The following RAB27A variants were observed in gnomAD, a reference collection of about 807,000 sequenced individuals.
RAB27A encodes RAB27A, member RAS oncogene family.
RAB27A carries 17 observed loss-of-function variants against 20.8 expected under a neutral mutation model. The observed-to-expected ratio is 0.82, with a 90% CI of 0.56 to 1.23. The LOEUF (loss-of-function observed/expected upper bound fraction) is 1.23. RAB27A is among the 50% of genes most tolerant of loss of function. RAB27A has a pLI of 0.00. For missense variants in RAB27A, 277 were observed against 266.7 expected, an observed-to-expected ratio of 1.04 and a Z score of -0.27; for synonymous variants, 85 against 92.8, an observed-to-expected ratio of 0.92 and a Z score of 0.48.
At chr15:55,302,418 T>C (rs1169648060) in intron 2 of RAB27A, among the ~76,000 whole-genome samples, 7 of 151,868 alleles carry the variant, frequency 4.6e-5, no homozygotes, top group Non-Finnish European at 1.0e-4. Flanking sequence ...TGATCTCGGC[T>C]CACTACAACC....
chr15:55,228,698 G>T lies in RAB27A; in HGVS notation c.254C>A (p.Thr85Lys). Residue 85 changes from threonine (T) to lysine (K), a missense_variant, in exon 5 of 7, where the codon ACG becomes AAG. Transcript: ENST00000336787. ...CATAGCATCTCTGAAGAACGCTGTC[G>T]TTAAGCTACGAAACCTAGGAACATA... ...TAGQERFRSL[T>K]TAFFRDAMGF... The T allele has an allele frequency of 1.2e-6, 2 of 1,612,918 alleles. No homozygotes were observed. The highest frequency in any genetic ancestry group is 1.7e-6 in the Non-Finnish European group (2 of 1,178,932).
At chr15:55,245,439 T>C (rs1896650759) in intron 2 of RAB27A, among the ~76,000 whole-genome samples, 1 of 152,254 alleles carries the variant, frequency 6.6e-6, no homozygotes. Flanking sequence ...AATATGATTC[T>C]TTCTTGTTTC....
intron 6 of RAB27A, among the ~76,000 whole-genome samples, chr15:55,207,103 C>T (rs1894689558): frequency 6.6e-6 from 1 of 152,150 alleles, no homozygotes; most frequent in Non-Finnish European, 1.5e-5. Flanking sequence ...TATATTAACT[C>T]ACACCCATCA....
intron 1 of RAB27A, among the ~76,000 whole-genome samples, chr15:55,284,521 G>A (rs1407770031): frequency 6.6e-6 from 1 of 152,176 alleles, no homozygotes; most frequent in East Asian, 1.9e-4. Context: ...TAACAGCAGG[G>A]ACAAGAACCA....
chr15:55,231,189 G>A (rs56117636), intron 3 of RAB27A, among the ~76,000 whole-genome samples: 7,054 of 152,174 alleles, frequency 0.046, 581 homozygotes, highest in African/African-American at 0.16. Context: ...TGATGTATAT[G>A]TACCACATTT....
chr15:55,285,320 A>T (rs1380612426), intron 1 of RAB27A, among the ~76,000 whole-genome samples: 3 of 152,012 alleles, frequency 2.0e-5, no homozygotes, highest in Admixed American at 1.3e-4. Context: ...CCAAAAAAAA[A>T]AAAAAAACAG....
intron 1 of RAB27A, among the ~76,000 whole-genome samples, chr15:55,273,008 A>G (rs1897752149): frequency 6.6e-6 from 1 of 152,152 alleles, no homozygotes; most frequent in Non-Finnish European, 1.5e-5. Flanking sequence ...GAGAAGAAGA[A>G]AAGAAAGAAC....
At chr15:55,280,304 T>A (rs1381639844) in intron 1 of RAB27A, among the ~76,000 whole-genome samples, 1 of 151,866 alleles carries the variant, frequency 6.6e-6, no homozygotes, top group Non-Finnish European at 1.5e-5. Context: ...AGACATATGA[T>A]CTCTTCCAGC....
At chr15:55,267,426 C>T (rs182491627) in intron 2 of RAB27A, among the ~76,000 whole-genome samples, 119 of 152,332 alleles carry the variant, frequency 7.8e-4, no homozygotes, top group African/African-American at 2.6e-3. Flanking sequence ...AGCACCCCAT[C>T]TCATCCATCA....
chr15:55,205,112 T>G lies in RAB27A; in HGVS notation c.*395A>C. The G allele has an allele frequency of 4.1e-6, 1 of 242,936 alleles. No individual in the cohort carries two copies. The allele number at this position is 242,936 out of a possible 1,614,324, so 15.0% of individuals were successfully genotyped here. On this transcript the variant is annotated 3_prime_UTR_variant, in exon 7 of 7. Coordinates refer to ENST00000336787, the MANE Select transcript of RAB27A (RefSeq NM_183235.3). ...AATCTGGATTGAAGACTGTGGCGGTTTTATAACTGCATGTAAGATCTTAAA... is the reference window on the plus strand; with the variant it reads ...AATCTGGATTGAAGACTGTGGCGGTGTTATAACTGCATGTAAGATCTTAAA...
rs1445499017 is a variant in RAB27A, at chr15:55,234,862, C to T, written c.73G>A (p.Val25Ile). 2 of 1,611,338 alleles carry T rather than the reference C, an allele frequency of 1.2e-6. No homozygotes were observed. Among genetic ancestry groups the T allele is most frequent in the African/African-American group, 1.3e-5 (1 of 74,788 alleles). The change falls in exon 3 of 7, where the codon GTA (valine) becomes ATA (isoleucine). Residue 25 changes from valine (V) to isoleucine (I), a missense_variant. Val to Ile is a conservative substitution (Grantham distance 29). Transcript: ENST00000336787. ...LGDSGVGKTSVLYQYTDGKFN... is the reference protein window; with the variant it reads ...LGDSGVGKTSILYQYTDGKFN... ...TTACCATCTGTATATTGGTAAAGTACACTGGTCTTCCCTACACCAGAGTCT... is the reference window on the plus strand; with the variant it reads ...TTACCATCTGTATATTGGTAAAGTATACTGGTCTTCCCTACACCAGAGTCT...
intron 6 of RAB27A, among the ~76,000 whole-genome samples, chr15:55,210,145 GTGTA>G (rs1380269744): frequency 9.8e-5 from 8 of 81,952 alleles, no homozygotes; most frequent in African/African-American, 1.9e-4. Flanking sequence ...ATATATGTAT[GTGTA>G]TGTATACATA....
chr15:55,267,091 T>A (rs11071174), intron 2 of RAB27A, among the ~76,000 whole-genome samples: 34,322 of 152,120 alleles, frequency 0.23, 4,854 homozygotes, highest in East Asian at 0.56. Context: ...GCTGGCTCAG[T>A]TGCCACACCA....
intron 6 of RAB27A, among the ~76,000 whole-genome samples, chr15:55,209,908 GTGTA>G (rs1241919252): frequency 2.7e-5 from 3 of 109,806 alleles, no homozygotes; most frequent in East Asian, 4.5e-4. Context: ...ACATATGTGT[GTGTA>G]TGTATATACA....
chr15:55,220,257 GTTTT>G (rs869185542), intron 6 of RAB27A, among the ~76,000 whole-genome samples: 1 of 151,470 alleles, frequency 6.6e-6, no homozygotes, highest in Non-Finnish European at 1.5e-5. Context: ...TTGTTTGTTT[GTTTT>G]TGTTTGTTTG....
At chr15:55,276,679 T>C (rs1236108935) in intron 1 of RAB27A, among the ~76,000 whole-genome samples, 3 of 152,140 alleles carry the variant, frequency 2.0e-5, no homozygotes, top group African/African-American at 7.2e-5. Flanking sequence ...AGGTCATAGT[T>C]AAAGAGAACA....
intron 2 of RAB27A, among the ~76,000 whole-genome samples, chr15:55,258,151 C>T (rs1051512449): frequency 6.6e-6 from 1 of 151,674 alleles, no homozygotes; most frequent in African/African-American, 2.4e-5. Flanking sequence ...GCACCTCTCA[C>T]TCTCCTTGAA....
intron 1 of RAB27A, among the ~76,000 whole-genome samples, chr15:55,275,608 G>A (rs11858614): frequency 0.04 from 6,113 of 151,624 alleles, 148 homozygotes; most frequent in Non-Finnish European, 0.051. Flanking sequence ...CCAGGTGACA[G>A]AATGACACTC....
chr15:55,240,017 C>T (rs1254146975), intron 2 of RAB27A, among the ~76,000 whole-genome samples: 2 of 152,144 alleles, frequency 1.3e-5, no homozygotes, highest in African/African-American at 2.4e-5. Flanking sequence ...CCATACGTGG[C>T]TTTCTCATCA....
Sources: allele counts gnomAD v4.1 joint callset (sites outside exome capture counted in the v4.1 genomes callset), GRCh38; gene constraint gnomAD v4.1.1; transcripts MANE v1.5; gene names NCBI Gene and HGNC (gene_info 2026-07-23, HGNC 2026-07-21).